The following KPNA6 variants were observed in gnomAD, a reference collection of about 807,000 sequenced individuals.
KPNA6 encodes the protein karyopherin subunit alpha 6.
Under a neutral mutation model 72.0 loss-of-function variants are expected in KPNA6, and 9 were observed. The observed-to-expected ratio is 0.13, with a 90% CI of 0.08 to 0.22. The LOEUF is 0.22. Among genes scored for constraint, KPNA6 ranks in the 10% least tolerant of loss-of-function variants. KPNA6 has a pLI of 1.00. For synonymous variants in KPNA6, 219 were observed against 242.1 expected (o/e 0.90, Z 0.89); for missense variants, 374 against 655.7 (o/e 0.57, Z 4.69).
rs1488175708 is a variant in KPNA6 at position 32,171,632 on chromosome 1, G to T, written c.*738G>T. The T allele has an allele frequency of 6.6e-6, 1 of 152,140 alleles. No homozygotes were observed. Among genetic ancestry groups the T allele is most frequent in the African/African-American group, 2.4e-5 (1 of 41,420 alleles). 9.4% of individuals were successfully genotyped at this position (152,140 alleles called of 1,614,324 possible). On this transcript the variant is annotated 3_prime_UTR_variant, in exon 14 of 14. Coordinates refer to ENST00000373625, the MANE Select transcript of KPNA6 (RefSeq NM_012316.5). ...TTGCCCAGACCTCTTTAGTTTGGGG[G>T]ATCCTCCTCACTCTCCTGAAGTGTC...
At chr1:32,119,918 T>A (rs947987070) in intron 1 of KPNA6, among the ~76,000 whole-genome samples, 1 of 151,938 alleles carries the variant, frequency 6.6e-6, no homozygotes, top group African/African-American at 2.4e-5. Context: ...CTAATTTTTG[T>A]AATTTTAGTA....
At chr1:32,144,992 G>A (rs529591831) in intron 1 of KPNA6, among the ~76,000 whole-genome samples, 3 of 138,744 alleles carry the variant, frequency 2.2e-5, no homozygotes, top group South Asian at 2.3e-4. Flanking sequence ...TCACACTGTC[G>A]CCCAGGCTGA....
intron 1 of KPNA6, among the ~76,000 whole-genome samples, chr1:32,135,814 A>G (rs1641725155): frequency 6.6e-6 from 1 of 151,718 alleles, no homozygotes; most frequent in Non-Finnish European, 1.5e-5. Context: ...AAGATGTTCT[A>G]AAATTGTGCT....
chr1:32,133,302 C>T (rs553076619), intron 1 of KPNA6, among the ~76,000 whole-genome samples: 5 of 151,626 alleles, frequency 3.3e-5, no homozygotes, highest in Non-Finnish European at 5.9e-5. Context: ...CATGATTGCA[C>T]CACTGCACTG....
chr1:32,146,683 T>C (rs2124033300), intron 1 of KPNA6, among the ~76,000 whole-genome samples: 1 of 152,334 alleles, frequency 6.6e-6, no homozygotes, highest in South Asian at 2.1e-4. Flanking sequence ...TTTATAATTA[T>C]TTTATGCATT....
At chr1:32,121,967 C>T (rs768956978) in intron 1 of KPNA6, among the ~76,000 whole-genome samples, 9 of 148,936 alleles carry the variant, frequency 6.0e-5, no homozygotes, top group Non-Finnish European at 8.9e-5. Context: ...AGCGACACTC[C>T]GACTCAAACA....
intron 1 of KPNA6, among the ~76,000 whole-genome samples, chr1:32,120,826 C>T (rs1641420077): frequency 2.0e-5 from 3 of 150,818 alleles, no homozygotes; most frequent in Admixed American, 1.3e-4. Flanking sequence ...CTTTGGCCTC[C>T]CACAGTAGTG....
chr1:32,156,217 T>C (rs1642140436), intron 2 of KPNA6, among the ~76,000 whole-genome samples: 1 of 152,136 alleles, frequency 6.6e-6, no homozygotes, highest in Non-Finnish European at 1.5e-5. Flanking sequence ...ATCTTTTCCA[T>C]GTTAGTAATC....
At chr1:32,108,593 G>A (rs926754715) in intron 1 of KPNA6, among the ~76,000 whole-genome samples, 3 of 152,286 alleles carry the variant, frequency 2.0e-5, no homozygotes, top group African/African-American at 7.2e-5. Flanking sequence ...GCGAGGTGGA[G>A]TCCTCTAGTG....
chr1:32,160,755 C>T, intron 7 of KPNA6, 52 bp downstream of exon 7: 1 of 1,342,894 alleles, frequency 7.4e-7, no homozygotes, highest in Non-Finnish European at 1.1e-6. Context: ...GGCCACGTGG[C>T]AGGTCATTTG....
At chr1:32,147,351 G>A (rs1404632525) in intron 1 of KPNA6, among the ~76,000 whole-genome samples, 1 of 152,028 alleles carries the variant, frequency 6.6e-6, no homozygotes, top group African/African-American at 2.4e-5. Flanking sequence ...TGGAGTGACG[G>A]TGCAATCACA....
intron 2 of KPNA6, among the ~76,000 whole-genome samples, chr1:32,155,830 C>T (rs1471915624): frequency 6.6e-6 from 1 of 151,670 alleles, no homozygotes; most frequent in South Asian, 2.1e-4. Flanking sequence ...GCCTCAAGCT[C>T]CCGGGCTCAA....
intron 1 of KPNA6, among the ~76,000 whole-genome samples, chr1:32,113,434 G>T (rs1390484197): frequency 6.6e-6 from 1 of 151,936 alleles, no homozygotes; most frequent in African/African-American, 2.4e-5. Context: ...ATGTATGTGT[G>T]TATGTATGTA....
chr1:32,156,951 G>T lies in KPNA6; in HGVS notation c.231+6G>T. 1.9e-6 allele frequency: 3 copies of T among 1,606,350 alleles called. No homozygotes were observed. The highest frequency in any genetic ancestry group is 2.6e-6 in the Non-Finnish European group (3 of 1,173,472). ...ATGTGAGCTCTACCACTGGGGTAAG[G>T]CCCCTGCATGTGCCTCAGGCTGACC... On this transcript the variant is annotated splice_donor_region_variant and intron_variant, in intron 3 of 13. Transcript: ENST00000373625.
rs1570082097 is a variant in KPNA6 at position 32,170,776 on chromosome 1, T to C, written c.1493T>C (p.Ile498Thr). The part of the protein sequence containing the change: ...QEIYQKAFDL[I>T]EHYFGVEDDD... ...ATCTACCAGAAGGCCTTCGACCTCA[T>C]TGAGCACTACTTTGGTGTAGAAGAC... is the stretch of plus-strand genomic sequence containing the variant. Residue 498 changes from isoleucine (I) to threonine (T), a missense_variant, in exon 14 of 14, where the codon ATT (isoleucine) becomes ACT (threonine). Ile to Thr is a moderately conservative substitution (Grantham distance 89). This residue lies in a region of KPNA6 where 42 missense variants were observed against 49.8 expected (regional missense o/e 0.84). Transcript: ENST00000373625. 1.2e-6 allele frequency: 2 copies of C among 1,614,112 alleles called. No homozygotes were observed. The highest frequency in any genetic ancestry group is 1.3e-5 in the African/African-American group (1 of 74,940).
At position 32,163,262 on chromosome 1, in the gene KPNA6, T is replaced by C. The variant is rs1395365184; in HGVS notation, c.939T>C (p.Pro313=). ...ACAATGATTACAAAGTGGCTTCTCC[T>C]GCCCTGAGAGCCGTGGGTAACATCG... The part of the protein sequence containing the change: ...LMHNDYKVAS[P]ALRAVGNIVT... The change falls in exon 10 of 14, where the codon CCT becomes CCC. Residue 313 remains proline, a synonymous_variant. Coordinates refer to ENST00000373625, the MANE Select transcript of KPNA6 (RefSeq NM_012316.5). The C allele has an allele frequency of 1.9e-6, 3 of 1,613,498 alleles. No homozygotes were observed. The highest frequency in any genetic ancestry group is 2.2e-5 in the South Asian group (2 of 90,912).
chr1:32,169,451 CTT>C (rs553772781), intron 12 of KPNA6, among the ~76,000 whole-genome samples: 15 of 139,964 alleles, frequency 1.1e-4, no homozygotes, highest in Non-Finnish European at 2.2e-4. Context: ...CTTTTCTTTT[CTT>C]TTTTTTTTTT....
In KPNA6 at chr1:32,170,956, C is replaced by G; in HGVS notation, c.*62C>G. On this transcript the variant is annotated 3_prime_UTR_variant, in exon 14 of 14. Transcript: ENST00000373625. ...CACCAGCCAGCGGAAGAGCAGCCCT[C>G]TGGTGGGCGGGAAACCAGTGTCCCC... 1 of 1,495,502 alleles carries G rather than the reference C, an allele frequency of 6.7e-7. No individual in the cohort carries two copies. The highest frequency in any genetic ancestry group is 9.3e-7 in the Non-Finnish European group (1 of 1,078,936). The allele number at this position is 1,495,502 out of a possible 1,614,324, so 92.6% of individuals were successfully genotyped here. A position where few individuals can be genotyped will look rare whatever the true frequency, so the allele number is the denominator to read the frequency against.
chr1:32,118,325 C>A (rs1641362949), intron 1 of KPNA6, among the ~76,000 whole-genome samples: 1 of 151,224 alleles, frequency 6.6e-6, no homozygotes, highest in Admixed American at 6.6e-5. Context: ...CTCCTAAATT[C>A]TATAGCACTT....
Sources: allele counts gnomAD v4.1 joint callset (sites outside exome capture counted in the v4.1 genomes callset), GRCh38; gene constraint gnomAD v4.1.1; regional missense constraint gnomAD v4.1.1; transcripts MANE v1.5; gene names NCBI Gene and HGNC (gene_info 2026-07-23, HGNC 2026-07-21).